SMCHD1: variants seen among roughly 807,000 people sequenced by gnomAD.
SMCHD1 encodes the protein structural maintenance of chromosomes flexible hinge domain containing 1, also known as structural maintenance of chromosomes flexible hinge domain-containing protein 1.
A neutral mutation model predicts 254.7 loss-of-function variants in SMCHD1; 78 were observed. The ratio of observed to expected loss-of-function variants is 0.31; its 90% CI spans 0.26 to 0.37. SMCHD1 has a LOEUF of 0.37. SMCHD1 is among the 10% of genes least tolerant of loss of function. The probability of loss-of-function intolerance (pLI) is 1.00; values close to 1 mark genes in which losing one functional copy is unlikely to be tolerated. For synonymous variants in SMCHD1, 766 were observed against 794.9 expected (o/e 0.96, Z 0.61); for missense variants, 1,840 against 2,408.1 (o/e 0.76, Z 4.94).
intron 3 of SMCHD1, among the ~76,000 whole-genome samples, chr18:2,667,714 T>C (rs915657154): frequency 9.2e-5 from 14 of 152,218 alleles, no homozygotes; most frequent in African/African-American, 2.7e-4. Context: ...CTTTGGTGTT[T>C]ATCATTTCAG....
At chr18:2,725,450 A>G (rs1237929878) in intron 21 of SMCHD1, among the ~76,000 whole-genome samples, 1 of 151,934 alleles carries the variant, frequency 6.6e-6, no homozygotes, top group Non-Finnish European at 1.5e-5. Flanking sequence ...GTTTGGTGAG[A>G]GATACAGTTA....
At position 2,772,373 on chromosome 18, in the gene SMCHD1, G is replaced by C; in HGVS notation, c.5175+1G>C. The C allele has an allele frequency of 6.4e-7, 1 of 1,554,532 alleles. No individual in the cohort carries two copies. The highest frequency in any genetic ancestry group is 8.6e-7 in the Non-Finnish European group (1 of 1,156,548). On this transcript the variant is annotated splice_donor_variant, in intron 41 of 47. Transcript: ENST00000320876. LOFTEE classifies it high-confidence loss of function. ...AGGCAGTGGAGATGTTTTGGGAAAGGTTTGTGTTTATTAAGCCTTTTGAAA... is the reference window on the plus strand; with the variant it reads ...AGGCAGTGGAGATGTTTTGGGAAAGCTTTGTGTTTATTAAGCCTTTTGAAA...
In SMCHD1 at chr18:2,804,532, A is replaced by G. The variant is rs1353078602; in HGVS notation, c.*1980A>G. On this transcript the variant is annotated 3_prime_UTR_variant, in exon 48 of 48. Coordinates refer to ENST00000320876, the MANE Select transcript of SMCHD1 (RefSeq NM_015295.3). ...TTTATAATACCAGAAAGAATGTTCT[A>G]TCAGTAAAAGAAGGTTTTTAAGTAT... 9.2e-5 allele frequency: 3 copies of G among 32,572 alleles called. No homozygotes were observed. The highest frequency in any genetic ancestry group is 9.6e-4 in the East Asian group (1 of 1,046). 2.0% of individuals were successfully genotyped at this position (32,572 alleles called of 1,614,324 possible).
Position 2,738,473 on chromosome 18 carries a change from T to C in SMCHD1, c.3353T>C (p.Val1118Ala). Residue 1118 changes from valine (V) to alanine (A), a missense_variant, in exon 26 of 48, where the codon GTA (valine) becomes GCA (alanine). Val to Ala is a moderately conservative substitution (Grantham distance 64). Transcript: ENST00000320876. Reference sequence around the variant, plus strand: ...CCTGATGTGCAAGTACCAACATCTGTAAAAGATATGCGCTATTGCCAGGTT... The same window carrying C: ...CCTGATGTGCAAGTACCAACATCTGCAAAAGATATGCGCTATTGCCAGGTT... ...LLPDVQVPTS[V>A]KDMRYCQVSF... 5.6e-6 allele frequency: 9 copies of C among 1,612,844 alleles called. No homozygotes were observed. The highest frequency in any genetic ancestry group is 6.8e-6 in the Non-Finnish European group (8 of 1,179,400).
chr18:2,779,999 C>T (rs2076127728), intron 44 of SMCHD1, among the ~76,000 whole-genome samples: 1 of 151,908 alleles, frequency 6.6e-6, no homozygotes, highest in African/African-American at 2.4e-5. Flanking sequence ...CAGCACTTTG[C>T]GAGGCCAAGG....
At chr18:2,681,412 CAAAAAAA>C (rs11448086) in intron 5 of SMCHD1, among the ~76,000 whole-genome samples, 1,404 of 103,978 alleles carry the variant, frequency 0.014, 24 homozygotes, top group African/African-American at 0.043. Flanking sequence ...GACCCCATCT[CAAAAAAA>C]AAAAAAAAAA....
Position 2,747,657 on chromosome 18 carries a change from A to C in SMCHD1, c.3927+10A>C. 6.4e-7 allele frequency: 1 copy of C among 1,550,560 alleles called. No homozygotes were observed. Among genetic ancestry groups the C allele is most frequent in the South Asian group, 1.2e-5 (1 of 83,418 alleles). ...AGCTAGCAATTTAAAGGTAAGTTTT[A>C]AACTTCCTTACATCTTCATTTAAAA... On this transcript the variant is annotated intron_variant, in intron 30 of 47. Transcript: ENST00000320876.
At chr18:2,704,948 G>A (rs1260557621) in intron 13 of SMCHD1, among the ~76,000 whole-genome samples, 1 of 152,146 alleles carries the variant, frequency 6.6e-6, no homozygotes, top group East Asian at 1.9e-4. Context: ...GAGACAGAAG[G>A]AAACTAGCAG....
intron 3 of SMCHD1, 187 bp from the exon 4 acceptor site, chr18:2,673,094 C>G: frequency 3.0e-6 from 3 of 985,380 alleles, no homozygotes; most frequent in Non-Finnish European, 3.6e-6. Context: ...TGATTGATGA[C>G]TGCTTTTTTG....
At chr18:2,692,155 T>G (rs2074193953) in intron 7 of SMCHD1, among the ~76,000 whole-genome samples, 1 of 152,210 alleles carries the variant, frequency 6.6e-6, no homozygotes, top group Non-Finnish European at 1.5e-5. Context: ...TAGGAATGGG[T>G]GATGAATACC....
At chr18:2,688,356 AG>A in intron 5 of SMCHD1, 37 bp from the exon 6 acceptor site, 1 of 1,439,662 alleles carries the variant, frequency 6.9e-7, no homozygotes, top group Non-Finnish European at 9.8e-7. Context: ...ACACTTAACT[AG>A]CTTGTTTAAA....
intron 37 of SMCHD1, among the ~76,000 whole-genome samples, chr18:2,767,331 T>C (rs2075886056): frequency 6.6e-6 from 1 of 152,148 alleles, no homozygotes; most frequent in Non-Finnish European, 1.5e-5. Flanking sequence ...TGACAATGTG[T>C]TGATAATTGT....
chr18:2,662,212 G>A (rs1964433), intron 1 of SMCHD1, among the ~76,000 whole-genome samples: 2 of 97,066 alleles, frequency 2.1e-5, no homozygotes, highest in African/African-American at 3.4e-5. Flanking sequence ...AAGAAAGAAA[G>A]AAAGAAAGAA....
At chr18:2,789,332 C>A (rs943491865) in intron 45 of SMCHD1, among the ~76,000 whole-genome samples, 3 of 152,040 alleles carry the variant, frequency 2.0e-5, no homozygotes, top group Admixed American at 1.3e-4. Context: ...GTAAGTCACT[C>A]TGCCTGGCTA....
rs2076400738 is a variant in SMCHD1 at position 2,803,549 on chromosome 18, G to A, written c.*997G>A. 6.6e-6 allele frequency: 1 copy of A among 152,074 alleles called. No individual in the cohort carries two copies. The highest frequency in any genetic ancestry group is 1.5e-5 in the Non-Finnish European group (1 of 67,996). The allele number at this position is 152,074 out of a possible 1,614,324, so 9.4% of individuals were successfully genotyped here. On this transcript the variant is annotated 3_prime_UTR_variant, in exon 48 of 48. Transcript: ENST00000320876. ...TAAGTTTGTGTCCCAGGAAATGTAT[G>A]TGTTTTTAAACCCTTTCTAAATATG...
In SMCHD1 at chr18:2,763,766, G is replaced by T. The variant is rs569043880; in HGVS notation, c.4696G>T (p.Val1566Leu). 6.2e-7 allele frequency: 1 copy of T among 1,608,274 alleles called. No individual in the cohort carries two copies. The highest frequency in any genetic ancestry group is 1.3e-5 in the African/African-American group (1 of 74,430). The part of the protein sequence containing the change: ...GKVRTLEFPF[V>L]NGSAEIMSLV... ...AGTTAGAACACTTGAATTCCCCTTC[G>T]TGAATGGTTCGGCTGAAATCATGGT... is the stretch of plus-strand genomic sequence containing the variant. Residue 1566 changes from valine to leucine, a missense_variant, in exon 37 of 48, where the codon GTG (valine) becomes TTG (leucine). Coordinates refer to ENST00000320876, the MANE Select transcript of SMCHD1 (RefSeq NM_015295.3).
chr18:2,708,907 T>TATATATATATATATATATAA (rs769432583), intron 17 of SMCHD1, among the ~76,000 whole-genome samples: 869 of 44,640 alleles, frequency 0.019, 209 homozygotes, highest in South Asian at 0.043. Flanking sequence ...TATATATATA[T>TATATATATATATATATATAA]AACATATTAA....
At chr18:2,769,006 T>C (rs2075927532) in intron 37 of SMCHD1, among the ~76,000 whole-genome samples, 1 of 152,120 alleles carries the variant, frequency 6.6e-6, no homozygotes, top group Non-Finnish European at 1.5e-5. Flanking sequence ...TTTTTAAAAA[T>C]ACTACTTCTC....
intron 28 of SMCHD1, among the ~76,000 whole-genome samples, chr18:2,741,606 G>A (rs188871819): frequency 1.3e-4 from 20 of 152,148 alleles, no homozygotes; most frequent in African/African-American, 3.1e-4. Context: ...TCACTGCTGC[G>A]GAACTTTGAA....
Sources: allele counts gnomAD v4.1 joint callset (sites outside exome capture counted in the v4.1 genomes callset), GRCh38; gene constraint gnomAD v4.1.1; transcripts MANE v1.5; gene names NCBI Gene and HGNC (gene_info 2026-07-23, HGNC 2026-07-21).